VSTM2A: variants seen among roughly 807,000 people sequenced by gnomAD.
VSTM2A encodes V-set and transmembrane domain-containing protein 2A.
Under a neutral mutation model 27.3 loss-of-function variants are expected in VSTM2A, and 13 were observed. The ratio of observed to expected loss-of-function variants is 0.48; its 90% CI spans 0.31 to 0.76. The LOEUF is 0.76. VSTM2A is among the 30% of genes least tolerant of loss of function. The probability of loss-of-function intolerance (pLI) is 0.05; values close to 1 mark genes in which losing one functional copy is unlikely to be tolerated. For synonymous variants in VSTM2A, 142 were observed against 125.7 expected (o/e 1.13, Z -0.87); for missense variants, 280 against 310.0 (o/e 0.90, Z 0.73).
At chr7:54,568,977 G>A in intron 4 of VSTM2A, 154 bp from the exon 5 acceptor site, 1 of 1,569,864 alleles carries the variant, frequency 6.4e-7, no homozygotes, top group African/African-American at 1.3e-5. Flanking sequence ...AAATCTTCAA[G>A]ATGAGCGAAT....
intron 2 of VSTM2A, among the ~76,000 whole-genome samples, chr7:54,545,581 A>G (rs1584042838): frequency 3.1e-5 from 2 of 63,536 alleles, no homozygotes; most frequent in Non-Finnish European, 5.9e-5. Context: ...AGGGAGAAAG[A>G]AGGGGGAGAG....
intron 4 of VSTM2A, among the ~76,000 whole-genome samples, chr7:54,557,693 A>G (rs1645639294): frequency 6.6e-6 from 1 of 152,172 alleles, no homozygotes; most frequent in Non-Finnish European, 1.5e-5. Flanking sequence ...TTGACAATTG[A>G]AGGAAATGAT....
chr7:54,562,828 A>G (rs1158078841), intron 4 of VSTM2A, among the ~76,000 whole-genome samples: 4 of 152,186 alleles, frequency 2.6e-5, no homozygotes, highest in Non-Finnish European at 4.4e-5. Flanking sequence ...CCTAATATGG[A>G]ATTTGTGATT....
intron 4 of VSTM2A, among the ~76,000 whole-genome samples, chr7:54,553,672 T>G (rs1055940167): frequency 6.6e-6 from 1 of 152,024 alleles, no homozygotes; most frequent in African/African-American, 2.4e-5. Flanking sequence ...CAAGCAAATA[T>G]GGAGAAGAAA....
intron 4 of VSTM2A, among the ~76,000 whole-genome samples, chr7:54,564,949 A>T (rs533666429): frequency 6.6e-6 from 1 of 152,242 alleles, no homozygotes; most frequent in African/African-American, 2.4e-5. Flanking sequence ...CAAGAGGCTG[A>T]TAATGTTTTC....
At chr7:54,546,818 C>CCCCTGGTCGCTCCCCTGTT in intron 2 of VSTM2A, 129 bp from the exon 3 acceptor site, 2 of 1,233,314 alleles carry the variant, frequency 1.6e-6, no homozygotes, top group Non-Finnish European at 2.2e-6. Flanking sequence ...GGTGGCCACG[C>CCCCTGGTCGCTCCCCTGTT]CCCTGGTCGC....
intron 4 of VSTM2A, among the ~76,000 whole-genome samples, chr7:54,568,593 C>G (rs867345391): frequency 1.3e-5 from 2 of 151,822 alleles, no homozygotes; most frequent in African/African-American, 4.8e-5. Context: ...ACAAGTTTGC[C>G]CCTCGTTGAG....
At chr7:54,558,425 A>G (rs2115879069) in intron 4 of VSTM2A, 1 of 152,330 alleles carries the variant, frequency 6.6e-6, no homozygotes, top group Admixed American at 6.5e-5. Flanking sequence ...TGAAGCTTAA[A>G]GTCTTATGTA....
At chr7:54,553,727 A>G in intron 4 of VSTM2A, 2 of 1,172,690 alleles carry the variant, frequency 1.7e-6, no homozygotes, top group Admixed American at 5.1e-5. Flanking sequence ...CTGACTGTGG[A>G]AGTCCCAGGA....
chr7:54,546,823 G>T (rs901106314), intron 2 of VSTM2A, 124 bp from the exon 3 acceptor site: 4 of 1,339,034 alleles, frequency 3.0e-6, no homozygotes. Context: ...CCACGCCCCT[G>T]GTCGCTCCCC....
At position 54,569,225 on chromosome 7, in the gene VSTM2A, T is replaced by C. The variant is rs1788818247; in HGVS notation, c.*6T>C. ...CTGCACCCACTGTACTCTAATTCAC[T>C]ACACAAGGAGCGCCTGCTTCCGGAA... On this transcript the variant is annotated 3_prime_UTR_variant, in exon 5 of 5. Coordinates refer to ENST00000402613, the MANE Select transcript of VSTM2A (RefSeq NM_001301009.2). 2 of 1,551,648 alleles carry C rather than the reference T, an allele frequency of 1.3e-6. No homozygotes were observed. Among genetic ancestry groups the C allele is most frequent in the Non-Finnish European group, 1.7e-6 (2 of 1,146,936 alleles).
intron 4 of VSTM2A, among the ~76,000 whole-genome samples, chr7:54,562,658 A>G (rs1273905659): frequency 1.3e-5 from 2 of 152,184 alleles, no homozygotes; most frequent in Non-Finnish European, 2.9e-5. Context: ...GTCCTGACTG[A>G]GCCGGGGAAG....
chr7:54,550,907 C>T (rs1320141166), intron 4 of VSTM2A: 1 of 152,144 alleles, frequency 6.6e-6, no homozygotes, highest in Non-Finnish European at 1.5e-5. Flanking sequence ...TGAGCAGTAC[C>T]CTGCACAACC....
rs191122102 is a variant in VSTM2A at position 54,570,011 on chromosome 7, C to T, written c.*792C>T. ...TTTTTCGTTGATAATTCATACACTG[C>T]GTGAATTTTGTAATTCATTGTTTCA... is the stretch of plus-strand genomic sequence containing the variant. On this transcript the variant is annotated 3_prime_UTR_variant, in exon 5 of 5. Coordinates refer to ENST00000402613, the MANE Select transcript of VSTM2A (RefSeq NM_001301009.2). 7 of 152,056 alleles carry T rather than the reference C, an allele frequency of 4.6e-5. No homozygotes were observed. Among genetic ancestry groups the T allele is most frequent in the Non-Finnish European group, 1.0e-4 (7 of 67,998 alleles). 9.4% of individuals were successfully genotyped at this position (152,056 alleles called of 1,614,324 possible). A position where few individuals can be genotyped will look rare whatever the true frequency, so the allele number is the denominator to read the frequency against.
intron 4 of VSTM2A, among the ~76,000 whole-genome samples, chr7:54,567,696 A>G (rs1788766900): frequency 6.6e-6 from 1 of 152,260 alleles, no homozygotes; most frequent in Admixed American, 6.5e-5. Context: ...ATTCAATACC[A>G]GACATACTTT....
chr7:54,563,913 A>C (rs986094862), intron 4 of VSTM2A, among the ~76,000 whole-genome samples: 1 of 152,230 alleles, frequency 6.6e-6, no homozygotes. Context: ...ATAAAAAGAT[A>C]TTCTTCTCAA....
rs372852450 is a variant in VSTM2A, at chr7:54,544,612, T to C, written c.80-10T>C. 1.3e-4 allele frequency: 203 copies of C among 1,612,868 alleles called. 1 individual carries two copies. In the South Asian group the frequency reaches 1.7e-3, roughly 13 times the overall value. ...TGGATATTCCAACAGGATGCCTTTC[T>C]GTTTTGCAGCAAAATTTACCGAGTT... is the stretch of plus-strand genomic sequence containing the variant. On this transcript the variant is annotated splice_polypyrimidine_tract_variant and intron_variant, in intron 1 of 4. Transcript: ENST00000402613.
chr7:54,554,605 A>G (rs1322386992), intron 4 of VSTM2A, among the ~76,000 whole-genome samples: 1 of 152,178 alleles, frequency 6.6e-6, no homozygotes, highest in East Asian at 1.9e-4. Context: ...ATAAAGTATG[A>G]AGAAGTGAGC....
intron 4 of VSTM2A, among the ~76,000 whole-genome samples, chr7:54,560,192 G>A (rs1288617659): frequency 6.6e-6 from 1 of 151,832 alleles, no homozygotes; most frequent in African/African-American, 2.4e-5. Flanking sequence ...TAATTATAGA[G>A]TTCAGGACAA....
Sources: allele counts gnomAD v4.1 joint callset (sites outside exome capture counted in the v4.1 genomes callset), GRCh38; gene constraint gnomAD v4.1.1; transcripts MANE v1.5; gene names NCBI Gene and HGNC (gene_info 2026-07-23, HGNC 2026-07-21).